Variants in SOX30 observed in about 807,000 individuals in gnomAD.
SOX30 encodes the protein SRY-box transcription factor 30.
In SOX30, 17 loss-of-function variants were observed where a neutral mutation model predicts 58.6. The ratio of observed to expected loss-of-function variants is 0.29; its 90% CI spans 0.20 to 0.44. The LOEUF is 0.44. Ranked by LOEUF, SOX30 falls within the 20% of genes least tolerant of loss-of-function variation. The probability of loss-of-function intolerance (pLI) is 1.00; values close to 1 mark genes in which losing one functional copy is unlikely to be tolerated. For synonymous variants in SOX30, 421 were observed against 400.2 expected (o/e 1.05, Z -0.62); for missense variants, 951 against 965.8 (o/e 0.98, Z 0.20).
chr5:157,637,246 C>T (rs1758953575), intron 4 of SOX30, among the ~76,000 whole-genome samples: 2 of 151,864 alleles, frequency 1.3e-5, no homozygotes, highest in South Asian at 4.2e-4. Flanking sequence ...CATTTGTTTT[C>T]CCTAGATACT....
Position 157,651,321 on chromosome 5 carries a change from G to C in SOX30, c.758C>G (p.Pro253Arg). The C allele has an allele frequency of 6.2e-7, 1 of 1,614,072 alleles. No individual in the cohort carries two copies. The change falls in exon 1 of 5, where the codon CCG becomes CGG. Residue 253 changes from proline to arginine, a missense_variant. Coordinates refer to ENST00000265007, the MANE Select transcript of SOX30 (RefSeq NM_178424.2). ...ILAPTSGAFG[P>R]HQQDLRIPLT... ...AGGGATCCTAAGGTCTTGCTGGTGCGGCCCAAAGGCACCGGACGTTGGGGC... is the reference window on the plus strand; with the variant it reads ...AGGGATCCTAAGGTCTTGCTGGTGCCGCCCAAAGGCACCGGACGTTGGGGC...
intron 2 of SOX30, among the ~76,000 whole-genome samples, chr5:157,663,933 C>G (rs531315586): frequency 6.6e-6 from 1 of 152,180 alleles, no homozygotes; most frequent in African/African-American, 2.4e-5. Flanking sequence ...CAAACCACTG[C>G]TCAACAAAAT....
intron 4 of SOX30, among the ~76,000 whole-genome samples, chr5:157,634,020 A>G (rs949090842): frequency 6.6e-6 from 1 of 152,224 alleles, no homozygotes; most frequent in African/African-American, 2.4e-5. Context: ...GTACACAGAA[A>G]GAGAGCATTT....
intron 4 of SOX30, among the ~76,000 whole-genome samples, chr5:157,634,914 C>T (rs199903172): frequency 1.3e-5 from 2 of 151,838 alleles, no homozygotes; most frequent in African/African-American, 2.4e-5. Flanking sequence ...TCCCAAAGTG[C>T]TGGGATTACA....
chr5:157,664,129 T>G (rs569288428), intron 2 of SOX30, among the ~76,000 whole-genome samples: 1 of 151,100 alleles, frequency 6.6e-6, no homozygotes, highest in East Asian at 1.9e-4. Context: ...AGAGCCCGCA[T>G]TGCCAAGACA....
intron 3 of SOX30, among the ~76,000 whole-genome samples, chr5:157,646,379 A>C (rs1014093932): frequency 6.6e-6 from 1 of 152,170 alleles, no homozygotes; most frequent in Admixed American, 6.5e-5. Context: ...TTATCTGCCT[A>C]ATCTATGGGC....
intron 2 of SOX30, among the ~76,000 whole-genome samples, chr5:157,661,181 G>A (rs1759572261): frequency 6.6e-6 from 1 of 152,166 alleles, no homozygotes; most frequent in African/African-American, 2.4e-5. Flanking sequence ...AATAGAAGTG[G>A]TGAGAGTGTA....
intron 3 of SOX30, among the ~76,000 whole-genome samples, chr5:157,643,546 T>C (rs897099453): frequency 2.0e-5 from 3 of 152,140 alleles, no homozygotes; most frequent in African/African-American, 7.2e-5. Flanking sequence ...TTAACATGAC[T>C]TCCAGCTATT....
chr5:157,653,339 TG>T (rs1239481176), upstream of SOX30, among the ~76,000 whole-genome samples: 1 of 109,744 alleles, frequency 9.1e-6, no homozygotes, highest in Non-Finnish European at 1.7e-5. Flanking sequence ...ATGATTCCAC[TG>T]CCTCTCCCAC....
chr5:157,629,817 G>C (rs982103329), intron 4 of SOX30, among the ~76,000 whole-genome samples: 4 of 152,154 alleles, frequency 2.6e-5, no homozygotes, highest in African/African-American at 9.7e-5. Flanking sequence ...CGCTCAAAGT[G>C]ATATAATTAG....
upstream of SOX30, among the ~76,000 whole-genome samples, chr5:157,656,867 A>G (rs920241386): frequency 6.6e-6 from 1 of 152,238 alleles, no homozygotes; most frequent in African/African-American, 2.4e-5. Flanking sequence ...CTGTGTGTGA[A>G]TATATTAGTT....
intron 4 of SOX30, among the ~76,000 whole-genome samples, chr5:157,631,770 A>G (rs1344417158): frequency 6.0e-5 from 9 of 151,092 alleles, no homozygotes; most frequent in Admixed American, 3.3e-4. Flanking sequence ...GTCTCAAAAA[A>G]AAAAAAAAAA....
At chr5:157,641,972 C>A (rs1275873993) in intron 3 of SOX30, among the ~76,000 whole-genome samples, 1 of 152,022 alleles carries the variant, frequency 6.6e-6, no homozygotes, top group Non-Finnish European at 1.5e-5. Flanking sequence ...TAGTACAGGA[C>A]AAGTGATCGA....
rs1007274760 is a variant in SOX30 at position 157,651,814 on chromosome 5, C to G, written c.265G>C (p.Glu89Gln). Residue 89 changes from glutamate (E) to glutamine (Q), a missense_variant, in exon 1 of 5, where the codon GAG becomes CAG. Transcript: ENST00000265007. ...TGCGCGGACGAGGCAGCGGCTTCCT[C>G]GTTCTGGGCCTGAGGCTGTGGTAGC... is the stretch of plus-strand genomic sequence containing the variant. ...LLLPQPQAQN[E>Q]EAAASSAQAR... is the part of the protein sequence containing the mutation. 26 of 1,584,962 alleles carry G rather than the reference C, an allele frequency of 1.6e-5. No homozygotes were observed. In the Admixed American group the frequency reaches 3.4e-4, roughly 20 times the overall value.
chr5:157,656,745 G>A (rs1381190883), upstream of SOX30, among the ~76,000 whole-genome samples: 1 of 152,220 alleles, frequency 6.6e-6, no homozygotes, highest in East Asian at 1.9e-4. Context: ...TCATGAGAAT[G>A]TAAATTTTCT....
intron 4 of SOX30, among the ~76,000 whole-genome samples, chr5:157,628,406 C>G (rs1581386584): frequency 6.9e-6 from 1 of 143,886 alleles, no homozygotes; most frequent in Non-Finnish European, 1.5e-5. Context: ...CACACACACA[C>G]AGAGTCAACT....
At chr5:157,650,292 GGTGGA>G (rs1459580463) in intron 1 of SOX30, among the ~76,000 whole-genome samples, 22 of 151,680 alleles carry the variant, frequency 1.5e-4, no homozygotes, top group Non-Finnish European at 2.7e-4. Flanking sequence ...AAAGCAACAG[GGTGGA>G]GTGGAGAGGA....
intron 2 of SOX30, among the ~76,000 whole-genome samples, chr5:157,657,971 C>A (rs1759509415): frequency 6.6e-6 from 1 of 152,170 alleles, no homozygotes; most frequent in Non-Finnish European, 1.5e-5. Flanking sequence ...TGGCCTCAGA[C>A]CTTGTCTACA....
intron 1 of SOX30, among the ~76,000 whole-genome samples, chr5:157,670,422 G>A (rs1759756635): frequency 1.3e-5 from 2 of 152,176 alleles, no homozygotes; most frequent in South Asian, 4.1e-4. Context: ...GAAATTTAAT[G>A]AGATAATCCA....
Sources: gnomAD v4.1 joint callset for allele counts (sites outside exome capture counted in the v4.1 genomes callset) on GRCh38, gnomAD v4.1.1 for gene constraint, MANE v1.5 for transcripts, NCBI Gene and HGNC (gene_info 2026-07-23, HGNC 2026-07-21) for gene names.